The following CLTRN variants were observed in gnomAD, a reference collection of about 807,000 sequenced individuals.
The protein encoded by CLTRN is collectrin, amino acid transport regulator.
CLTRN carries 12 observed loss-of-function variants against 14.5 expected under a neutral mutation model. The ratio of observed to expected loss-of-function variants is 0.83; its 90% CI spans 0.53 to 1.34. CLTRN has a LOEUF of 1.34. CLTRN is among the 40% of genes most tolerant of loss of function. The pLI, the probability that CLTRN is intolerant of heterozygous loss-of-function variation, is 0.00. For missense variants in CLTRN, 154 were observed against 165.1 expected (o/e 0.93, Z 0.37); for synonymous variants, 58 against 56.5 (o/e 1.03, Z -0.12).
Position 15,645,030 on chromosome X carries a change from C to T in CLTRN, c.204-1G>A. 1 of 1,153,883 alleles carries T rather than the reference C, an allele frequency of 8.7e-7. No individual in the cohort carries two copies. Among genetic ancestry groups the T allele is most frequent in the Non-Finnish European group, 1.2e-6 (1 of 849,778 alleles). ...ATTGCAAAGTAGGACATGGGAAATT[C>T]TGCAGACAGTGGAAAGAAAAAATAC... On this transcript the variant is annotated splice_acceptor_variant, in intron 3 of 5. Transcript: ENST00000380342. LOFTEE classifies it high-confidence loss of function.
intron 2 of CLTRN, among the ~76,000 whole-genome samples, chrX:15,661,764 G>A (rs919199668): frequency 5.3e-5 from 6 of 112,561 alleles, no homozygotes; most frequent in Admixed American, 4.7e-4. Flanking sequence ...TACCTGTTGT[G>A]CGTATACTTG....
Position 15,627,417 on chromosome X carries a change from G to T in CLTRN, c.*554C>A, listed in dbSNP as rs965133319. Reference sequence around the variant, plus strand: ...AACAAATAGAATTGTCCTATTAGGGGCTGATATTCAGAAAATATATAATCA... The same window carrying T: ...AACAAATAGAATTGTCCTATTAGGGTCTGATATTCAGAAAATATATAATCA... On this transcript the variant is annotated 3_prime_UTR_variant, in exon 6 of 6. Coordinates refer to ENST00000380342, the MANE Select transcript of CLTRN (RefSeq NM_020665.6). The T allele has an allele frequency of 1.8e-5, 2 of 112,343 alleles. No homozygotes were observed. The highest frequency in any genetic ancestry group is 1.9e-5 in the Non-Finnish European group (1 of 53,157). 9.3% of individuals were successfully genotyped at this position (112,343 alleles called of 1,213,427 possible).
At chrX:15,644,544 T>TA (rs769942275) in intron 4 of CLTRN, among the ~76,000 whole-genome samples, 4 of 111,450 alleles carry the variant, frequency 3.6e-5, no homozygotes, top group East Asian at 5.6e-4. Flanking sequence ...TACCTTTTTT[T>TA]AAAAAAAATT....
At chrX:15,641,674 G>GTA (rs1928947338) in intron 4 of CLTRN, among the ~76,000 whole-genome samples, 1 of 109,182 alleles carries the variant, frequency 9.2e-6, no homozygotes, top group Non-Finnish European at 1.9e-5. Flanking sequence ...GTGTGTGTGT[G>GTA]TGTAAACAGG....
intron 3 of CLTRN, among the ~76,000 whole-genome samples, chrX:15,658,710 TTA>T (rs56162633): frequency 0.039 from 3,810 of 98,604 alleles, 121 homozygotes; most frequent in African/African-American, 0.1. Flanking sequence ...TGCAAGAAAA[TTA>T]TATATATATA....
chrX:15,631,885 T>C (rs1928702978), intron 5 of CLTRN, among the ~76,000 whole-genome samples: 1 of 112,204 alleles, frequency 8.9e-6, no homozygotes, highest in South Asian at 3.7e-4. Context: ...CTGTAATAAA[T>C]TGATTCACTA....
At chrX:15,653,365 G>A (rs1252271350) in intron 3 of CLTRN, among the ~76,000 whole-genome samples, 1 of 109,516 alleles carries the variant, frequency 9.1e-6, no homozygotes, top group Non-Finnish European at 1.9e-5. Flanking sequence ...CTTTTTTGCT[G>A]TCTAGTCAAC....
At chrX:15,657,314 T>C (rs2147211409) in intron 3 of CLTRN, among the ~76,000 whole-genome samples, 1 of 112,619 alleles carries the variant, frequency 8.9e-6, no homozygotes, top group East Asian at 2.8e-4. Flanking sequence ...TGCCCAACTG[T>C]AAGTCAAACA....
intron 3 of CLTRN, chrX:15,646,473 C>CCCCCCCCCCCCCCCCCCA: frequency 3.9e-6 from 1 of 258,338 alleles, no homozygotes; most frequent in East Asian, 1.3e-4. Flanking sequence ...CCCCCCCGCC[C>CCCCCCCCCCCCCCCCCCA]GACCCCCGCG....
At chrX:15,670,097 G>A (rs938711657) in intron 1 of CLTRN, among the ~76,000 whole-genome samples, 5 of 109,587 alleles carry the variant, frequency 4.6e-5, no homozygotes, top group Non-Finnish European at 9.5e-5. Flanking sequence ...ACAACATGGC[G>A]AAACCCCCTC....
At chrX:15,646,175 C>T (rs1256027953) in intron 3 of CLTRN, 1 of 172,737 alleles carries the variant, frequency 5.8e-6, no homozygotes, top group Non-Finnish European at 1.1e-5. Context: ...CTTGCCCCTT[C>T]TGCAGCTGCG....
chrX:15,671,711 A>G (rs747831492), intron 1 of CLTRN, among the ~76,000 whole-genome samples: 2 of 111,988 alleles, frequency 1.8e-5, no homozygotes, highest in African/African-American at 6.5e-5. Flanking sequence ...CTACGTGCCC[A>G]TGACTACAAA....
chrX:15,635,924 A>C (rs943920363), intron 5 of CLTRN, among the ~76,000 whole-genome samples: 2 of 112,175 alleles, frequency 1.8e-5, no homozygotes, highest in Non-Finnish European at 1.9e-5. Flanking sequence ...AGACATACAA[A>C]TGCCCAACGG....
intron 3 of CLTRN, among the ~76,000 whole-genome samples, chrX:15,655,555 C>A (rs895784908): frequency 2.7e-5 from 3 of 112,283 alleles, no homozygotes; most frequent in African/African-American, 9.7e-5. Context: ...TATCCTGTTC[C>A]CTTCCAAAGC....
At chrX:15,651,144 T>A (rs1929204122) in intron 3 of CLTRN, among the ~76,000 whole-genome samples, 1 of 111,591 alleles carries the variant, frequency 9.0e-6, no homozygotes, top group Non-Finnish European at 1.9e-5. Context: ...CATGGTTTTC[T>A]TGTGTCCACT....
chrX:15,652,545 T>C (rs1929244273), intron 3 of CLTRN, among the ~76,000 whole-genome samples: 1 of 110,279 alleles, frequency 9.1e-6, no homozygotes, highest in African/African-American at 3.3e-5. Context: ...TCATACAAAC[T>C]TATAGTACCG....
At chrX:15,660,806 CCAACAACAACAACAACAA>C (rs35179264) in intron 2 of CLTRN, among the ~76,000 whole-genome samples, 3 of 101,401 alleles carry the variant, frequency 3.0e-5, no homozygotes, top group Non-Finnish European at 4.0e-5. Context: ...GACCCTGTCT[CCAACAACAACAACAACAA>C]CAACAACAAC....
intron 2 of CLTRN, among the ~76,000 whole-genome samples, chrX:15,660,550 C>A (rs977646470): frequency 9.1e-6 from 1 of 109,342 alleles, no homozygotes; most frequent in African/African-American, 3.3e-5. Flanking sequence ...TGGCTCAAGC[C>A]TGTAACACTT....
intron 5 of CLTRN, among the ~76,000 whole-genome samples, chrX:15,639,336 T>A (rs1482510747): frequency 8.9e-6 from 1 of 111,956 alleles, no homozygotes; most frequent in Non-Finnish European, 1.9e-5. Flanking sequence ...TGGTACAGAA[T>A]AGAGGGAAAG....
Sources: gnomAD v4.1 joint callset for allele counts (sites outside exome capture counted in the v4.1 genomes callset) on GRCh38, gnomAD v4.1.1 for gene constraint, MANE v1.5 for transcripts, NCBI Gene and HGNC (gene_info 2026-07-23, HGNC 2026-07-21) for gene names.